The following EPHA6 variants were observed in gnomAD, a reference collection of about 807,000 sequenced individuals.
EPHA6 encodes the protein EPH receptor A6.
In EPHA6, 50 loss-of-function variants were observed where a neutral mutation model predicts 112.0. The observed-to-expected ratio is 0.45, with a 90% CI of 0.36 to 0.56. The LOEUF (loss-of-function observed/expected upper bound fraction) is 0.56, where lower values mean the gene tolerates loss of function less well. Ranked by LOEUF, EPHA6 falls within the 20% of genes least tolerant of loss-of-function variation. The probability of loss-of-function intolerance (pLI) is 0.00; values close to 1 mark genes in which losing one functional copy is unlikely to be tolerated. For missense variants in EPHA6, 1,280 were observed against 1,417.4 expected, an observed-to-expected ratio of 0.90 and a Z score of 1.56; for synonymous variants, 529 against 490.7, an observed-to-expected ratio of 1.08 and a Z score of -1.03.
chr3:96,986,936 G>A (rs1248367792), intron 2 of EPHA6, among the ~76,000 whole-genome samples: 1 of 152,160 alleles, frequency 6.6e-6, no homozygotes. Flanking sequence ...ATATTTAGTT[G>A]TTCTGATAAG....
At chr3:96,858,304 T>C (rs1231225569) in intron 1 of EPHA6, among the ~76,000 whole-genome samples, 1 of 152,026 alleles carries the variant, frequency 6.6e-6, no homozygotes, top group Non-Finnish European at 1.5e-5. Flanking sequence ...GCTTAGAGAA[T>C]TACATGGTTT....
intron 14 of EPHA6, among the ~76,000 whole-genome samples, chr3:97,675,688 A>G (rs1446805542): frequency 6.6e-6 from 1 of 152,186 alleles, no homozygotes; most frequent in Non-Finnish European, 1.5e-5. Context: ...TATATCTTAT[A>G]AGAATAACAT....
chr3:97,679,002 G>A (rs1292863262), intron 14 of EPHA6, among the ~76,000 whole-genome samples: 1 of 152,062 alleles, frequency 6.6e-6, no homozygotes, highest in Non-Finnish European at 1.5e-5. Flanking sequence ...TATATGCTTA[G>A]TGTTATTTCT....
intron 9 of EPHA6, among the ~76,000 whole-genome samples, chr3:97,479,938 A>G (rs1407212569): frequency 6.6e-6 from 1 of 151,888 alleles, no homozygotes; most frequent in Non-Finnish European, 1.5e-5. Context: ...CTCAACATCC[A>G]CCTCCACCTC....
At chr3:97,737,620 G>T (rs1489787896) in intron 16 of EPHA6, among the ~76,000 whole-genome samples, 4 of 151,972 alleles carry the variant, frequency 2.6e-5, no homozygotes, top group Admixed American at 6.6e-5. Flanking sequence ...ACAAGTTTTT[G>T]GAATAGAAAT....
At chr3:96,923,625 G>A (rs1379113739) in intron 2 of EPHA6, among the ~76,000 whole-genome samples, 1 of 152,138 alleles carries the variant, frequency 6.6e-6, no homozygotes, top group Non-Finnish European at 1.5e-5. Context: ...CCATGCAGAA[G>A]CTCTTAAGTT....
At chr3:97,551,265 T>C (rs1368550097) in intron 11 of EPHA6, among the ~76,000 whole-genome samples, 1 of 152,194 alleles carries the variant, frequency 6.6e-6, no homozygotes, top group Non-Finnish European at 1.5e-5. Context: ...AGTTGTGAAA[T>C]GAATACAGAA....
At chr3:96,854,329 G>C (rs774873648) in intron 1 of EPHA6, among the ~76,000 whole-genome samples, 1 of 151,460 alleles carries the variant, frequency 6.6e-6, no homozygotes, top group South Asian at 2.1e-4. Flanking sequence ...ACAGGTGCAC[G>C]CCACCACACC....
At chr3:97,129,346 A>G (rs2048271700) in intron 3 of EPHA6, among the ~76,000 whole-genome samples, 1 of 151,578 alleles carries the variant, frequency 6.6e-6, no homozygotes, top group African/African-American at 2.4e-5. Context: ...AAGAACACAC[A>G]AAAAAATTAG....
intron 7 of EPHA6, among the ~76,000 whole-genome samples, chr3:97,461,437 G>C (rs557117347): frequency 4.6e-5 from 7 of 152,042 alleles, no homozygotes; most frequent in Non-Finnish European, 8.8e-5. Context: ...ACTTTCTAAG[G>C]TTCCTGTGAG....
chr3:97,480,440 C>G (rs975097553), intron 9 of EPHA6, among the ~76,000 whole-genome samples: 1 of 151,610 alleles, frequency 6.6e-6, no homozygotes. Context: ...GACTCTTAAC[C>G]AGCATGCTGC....
chr3:97,747,676 C>A, intron 17 of EPHA6, 104 bp downstream of exon 17: 1 of 1,011,132 alleles, frequency 9.9e-7, no homozygotes, highest in Non-Finnish European at 1.3e-6. Flanking sequence ...GGGTAATTTC[C>A]AAGTCTTTGC....
intron 11 of EPHA6, among the ~76,000 whole-genome samples, chr3:97,574,385 A>G (rs2107244212): frequency 6.6e-6 from 1 of 152,310 alleles, no homozygotes; most frequent in African/African-American, 2.4e-5. Context: ...ACTTAAGCAG[A>G]GTCTTGAAGG....
At chr3:97,733,142 T>C (rs1454037467) in intron 15 of EPHA6, among the ~76,000 whole-genome samples, 1 of 152,080 alleles carries the variant, frequency 6.6e-6, no homozygotes, top group Non-Finnish European at 1.5e-5. Flanking sequence ...ACCTGCTTAA[T>C]GCTAAGCATT....
intron 13 of EPHA6, among the ~76,000 whole-genome samples, chr3:97,627,323 G>T (rs796781217): frequency 3.3e-5 from 5 of 151,946 alleles, no homozygotes; most frequent in African/African-American, 1.2e-4. Context: ...TGTTATTATT[G>T]CTGTGGAGAA....
intron 13 of EPHA6, among the ~76,000 whole-genome samples, chr3:97,635,859 G>C (rs947402025): frequency 2.6e-5 from 4 of 152,000 alleles, no homozygotes; most frequent in Non-Finnish European, 5.9e-5. Flanking sequence ...GACACACTCG[G>C]CATAGATAGA....
intron 2 of EPHA6, among the ~76,000 whole-genome samples, chr3:96,902,344 G>A (rs915205449): frequency 2.0e-5 from 3 of 152,156 alleles, no homozygotes; most frequent in Non-Finnish European, 4.4e-5. Context: ...GTATTAGAAT[G>A]ATGGAGGAGT....
intron 4 of EPHA6, among the ~76,000 whole-genome samples, chr3:97,240,496 A>G (rs2078813278): frequency 6.6e-6 from 1 of 151,874 alleles, no homozygotes; most frequent in African/African-American, 2.4e-5. Context: ...ATTATTCTTA[A>G]GATTTTAAAA....
chr3:96,872,285 CAT>C (rs1284655762), intron 2 of EPHA6, among the ~76,000 whole-genome samples: 1 of 151,984 alleles, frequency 6.6e-6, no homozygotes, highest in Non-Finnish European at 1.5e-5. Context: ...TGTTGAAGCA[CAT>C]GTCAGCACAG....
Sources: gnomAD v4.1 joint callset for allele counts (sites outside exome capture counted in the v4.1 genomes callset) on GRCh38, gnomAD v4.1.1 for gene constraint, MANE v1.5 for transcripts, NCBI Gene and HGNC (gene_info 2026-07-23, HGNC 2026-07-21) for gene names.